RXFP3: variants seen among roughly 807,000 people sequenced by gnomAD.
RXFP3 encodes the protein relaxin family peptide receptor 3.
A neutral mutation model predicts 27.3 loss-of-function variants in RXFP3; 31 were observed. The ratio of observed to expected loss-of-function variants is 1.13; its 90% confidence interval spans 0.85 to 1.53. RXFP3 has a LOEUF of 1.53. Ranked by LOEUF, RXFP3 falls within the 40% of genes most tolerant of loss-of-function variation. The probability of loss-of-function intolerance (pLI) is 0.00; values close to 1 mark genes in which losing one functional copy is unlikely to be tolerated. For synonymous variants in RXFP3, 351 were observed against 293.6 expected, an observed-to-expected ratio of 1.20 and a Z score of -2.00; for missense variants, 684 against 642.1, an observed-to-expected ratio of 1.07 and a Z score of -0.70.
At position 33,938,410 on chromosome 5, in the gene RXFP3, C is replaced by G. The variant is rs1178275341; in HGVS notation, c.*260C>G. 1.3e-5 allele frequency among the ~76,000 whole-genome samples: 2 copies of G among 152,204 alleles called. No homozygotes were observed. Among genetic ancestry groups the G allele is most frequent in the Non-Finnish European group, 2.9e-5 (2 of 68,030 alleles). On this transcript the variant is annotated 3_prime_UTR_variant, in exon 1 of 1. Transcript: ENST00000330120. ...CGGGCCAGACAGCCAACCTCCGCTC[C>G]GCACCCCACAGCCTCTCCTTACTCT...
chr5:33,936,470 G>A lies in RXFP3; in HGVS notation c.-271G>A, dbSNP rs116094831. 1.6e-3 allele frequency: 656 copies of A among 399,954 alleles called. 7 individuals carry two copies. The highest frequency in any genetic ancestry group is 0.012 in the African/African-American group (607 of 49,112). The allele number at this position is 399,954 out of a possible 1,614,324, so 24.8% of individuals were successfully genotyped here. A position where few individuals can be genotyped will look rare whatever the true frequency, so the allele number is the denominator to read the frequency against. ...GTACATAAGGACCTAGGGACTCCGA[G>A]CTTGGCCTGAGAACCCTTGGACGCC... On this transcript the variant is annotated 5_prime_UTR_variant, in exon 1 of 1. Coordinates refer to ENST00000330120, the MANE Select transcript of RXFP3 (RefSeq NM_016568.3).
Position 33,937,860 on chromosome 5 carries a change from A to G in RXFP3, c.1120A>G (p.Ser374Gly), listed in dbSNP as rs200481157. 32 of 1,614,064 alleles carry G rather than the reference A, an allele frequency of 2.0e-5. 1 individual carries two copies. In the Admixed American group the frequency reaches 3.2e-4, roughly 16 times the overall value. The change falls in exon 1 of 1, where the codon AGC becomes GGC. Residue 374 changes from serine (S) to glycine (G), a missense_variant. Transcript: ENST00000330120. The stretch of plus-strand genomic sequence containing the variant: ...GTGCCAGGTATACGCGTTCCCTGTG[A>G]GCGTGTGCCTAGCGCACTCCAACAG... ...FLCQVYAFPVSVCLAHSNSCL... is the reference protein window; with the variant it reads ...FLCQVYAFPVGVCLAHSNSCL...
chr5:33,937,546 C>A lies in RXFP3; in HGVS notation c.806C>A (p.Ser269Ter). The A allele has an allele frequency of 6.4e-7, 1 of 1,574,410 alleles. No homozygotes were observed. The highest frequency in any genetic ancestry group is 2.4e-5 in the East Asian group (1 of 42,288). ...DRQFWLGLYH[S>*]QKVLLGFVLP... ...CAGTTCTGGCTGGGCCTCTACCACT[C>A]GCAGAAGGTGCTGCTGGGCTTCGTG... Residue 269 changes from serine (S) to a stop codon, truncating the protein, a stop_gained, in exon 1 of 1, where the codon TCG becomes TAG. Coordinates refer to ENST00000330120, the MANE Select transcript of RXFP3 (RefSeq NM_016568.3). LOFTEE classifies it high-confidence loss of function.
chr5:33,938,233 TGG>T lies in RXFP3; in HGVS notation c.*90_*91del. 4 of 1,284,574 alleles carry T rather than the reference TGG, an allele frequency of 3.1e-6. No individual in the cohort carries two copies. The highest frequency in any genetic ancestry group is 4.2e-6 in the Non-Finnish European group (4 of 941,184). 79.6% of individuals were successfully genotyped at this position (1,284,574 alleles called of 1,614,324 possible). A position where few individuals can be genotyped will look rare whatever the true frequency, so the allele number is the denominator to read the frequency against. On this transcript the variant is annotated 3_prime_UTR_variant, in exon 1 of 1. Transcript: ENST00000330120. Reference sequence around the variant, plus strand: ...AAGAGGTGAAAGGATGAAGGAGGGCTGGGGGGGGCCCCATTTAAGAAGTAGGT... The same window carrying T: ...AAGAGGTGAAAGGATGAAGGAGGGCTGGGGGGCCCCATTTAAGAAGTAGGT...
Position 33,937,426 on chromosome 5 carries a change from C to G in RXFP3, c.686C>G (p.Ser229Trp). ...ATCTGGGCTTTGGCCGCGCTGGCCT[C>G]GCTGCCCAGTGCCATTTTCTCCACC... ...VWIWALAALA[S>W]LPSAIFSTTV... The change falls in exon 1 of 1, where the codon TCG becomes TGG. Residue 229 changes from serine to tryptophan, a missense_variant. Transcript: ENST00000330120. 6.2e-7 allele frequency: 1 copy of G among 1,611,720 alleles called. No individual in the cohort carries two copies. The highest frequency in any genetic ancestry group is 8.5e-7 in the Non-Finnish European group (1 of 1,179,220).
rs763280924 is a variant in RXFP3, at chr5:33,937,329, G to C, written c.589G>C (p.Gly197Arg). ...ALKSHRTRGH[G>R]RGDCCGRSLG... ...GAAGAGCCACCGGACCCGAGGACACGGCCGGGGCGACTGCTGCGGCCGGAG... is the reference window on the plus strand; with the variant it reads ...GAAGAGCCACCGGACCCGAGGACACCGCCGGGGCGACTGCTGCGGCCGGAG... The change falls in exon 1 of 1, where the codon GGC becomes CGC. Residue 197 changes from glycine to arginine, a missense_variant. Transcript: ENST00000330120. 1.9e-6 allele frequency: 3 copies of C among 1,612,504 alleles called. No individual in the cohort carries two copies. Among genetic ancestry groups the C allele is most frequent in the Non-Finnish European group, 1.7e-6 (2 of 1,179,902 alleles).
Position 33,936,498 on chromosome 5 carries a change from G to A in RXFP3, c.-243G>A, listed in dbSNP as rs537415635. Reference sequence around the variant, plus strand: ...TGGCCTGAGAACCCTTGGACGCCGAGTGCTTGCCTTACGGGCTGCACTCCT... The same window carrying A: ...TGGCCTGAGAACCCTTGGACGCCGAATGCTTGCCTTACGGGCTGCACTCCT... On this transcript the variant is annotated 5_prime_UTR_variant, in exon 1 of 1. The change creates a new upstream start codon in the 5' untranslated region. Transcript: ENST00000330120. 2.4e-6 allele frequency: 1 copy of A among 414,592 alleles called. No individual in the cohort carries two copies. Among genetic ancestry groups the A allele is most frequent in the Admixed American group, 3.9e-5 (1 of 25,742 alleles). The allele number at this position is 414,592 out of a possible 1,614,324, so 25.7% of individuals were successfully genotyped here. A position where few individuals can be genotyped will look rare whatever the true frequency, so the allele number is the denominator to read the frequency against.
rs1014856161 is a variant in RXFP3 at position 33,936,842 on chromosome 5, G to C, written c.102G>C (p.Ala34=). The C allele has an allele frequency of 1.4e-5, 23 of 1,592,964 alleles. No homozygotes were observed. Among genetic ancestry groups the C allele is most frequent in the African/African-American group, 2.7e-5 (2 of 74,638 alleles). Residue 34 remains alanine (A), a synonymous_variant, in exon 1 of 1, where the codon GCG becomes GCC. Coordinates refer to ENST00000330120, the MANE Select transcript of RXFP3 (RefSeq NM_016568.3). The part of the protein sequence containing the change: ...LFSLVPDLLE[A]ANTSGNASLQ... The stretch of plus-strand genomic sequence containing the variant: ...GTCTGGTCCCGGACCTTCTGGAGGC[G>C]GCCAACACGAGTGGTAACGCGTCGC...
At position 33,936,805 on chromosome 5, in the gene RXFP3, C is replaced by A. The variant is rs895958014; in HGVS notation, c.65C>A (p.Ala22Glu). 1.3e-6 allele frequency: 2 copies of A among 1,552,092 alleles called. No individual in the cohort carries two copies. The highest frequency in any genetic ancestry group is 1.7e-6 in the Non-Finnish European group (2 of 1,145,398). ...AAGGCAGCAGGCGGGGACAAGCTAG[C>A]AGAACTCTTCAGTCTGGTCCCGGAC... is the stretch of plus-strand genomic sequence containing the variant. ...MNKAAGGDKLAELFSLVPDLL... is the reference protein window; with the variant it reads ...MNKAAGGDKLEELFSLVPDLL... Residue 22 changes from alanine to glutamate, a missense_variant, in exon 1 of 1, where the codon GCA (alanine) becomes GAA (glutamate). Ala to Glu is a moderately radical substitution (Grantham distance 107). Coordinates refer to ENST00000330120, the MANE Select transcript of RXFP3 (RefSeq NM_016568.3).
rs1035788535 is a variant in RXFP3, at chr5:33,937,467, G to C, written c.727G>C (p.Gly243Arg). 1 of 1,608,034 alleles carries C rather than the reference G, an allele frequency of 6.2e-7. No homozygotes were observed. Among genetic ancestry groups the C allele is most frequent in the Admixed American group, 1.7e-5 (1 of 59,134 alleles). Residue 243 changes from glycine (G) to arginine (R), a missense_variant, in exon 1 of 1, where the codon GGC becomes CGC. Transcript: ENST00000330120. ...TTTCTCCACCACGGTCAAGGTGATGGGCGAGGAGCTGTGCCTGGTGCGTTT... is the reference window on the plus strand; with the variant it reads ...TTTCTCCACCACGGTCAAGGTGATGCGCGAGGAGCTGTGCCTGGTGCGTTT... ...AIFSTTVKVM[G>R]EELCLVRFPD... is the part of the protein sequence containing the mutation.
chr5:33,937,120 C>G lies in RXFP3; in HGVS notation c.380C>G (p.Thr127Arg). The G allele has an allele frequency of 6.2e-7, 1 of 1,612,944 alleles. No homozygotes were observed. Among genetic ancestry groups the G allele is most frequent in the African/African-American group, 1.3e-5 (1 of 75,064 alleles). The change falls in exon 1 of 1, where the codon ACG (threonine) becomes AGG (arginine). Residue 127 changes from threonine (T) to arginine (R), a missense_variant. Transcript: ENST00000330120. ...CTCTTCGTCACCAACCTGGCGCTGA[C>G]GGACTTTCAGTTTGTGCTCACCCTG... ...INLFVTNLALTDFQFVLTLPF... is the reference protein window; with the variant it reads ...INLFVTNLALRDFQFVLTLPF...
In RXFP3 at chr5:33,936,995, CGTGGTGTACTGG is replaced by C. The variant is rs769927386; in HGVS notation, c.263_274del (p.Tyr88_Val91del). 6.7e-5 allele frequency: 108 copies of C among 1,613,688 alleles called. No individual in the cohort carries two copies. In the South Asian group the frequency reaches 1.1e-3, roughly 17 times the overall value. Reference sequence around the variant, plus strand: ...AGGCCCGGGTGCGGATTCTCATCAGCGTGGTGTACTGGGTGGTGTGCGCCCTGGGGTTGGCGG... The same window carrying C: ...AGGCCCGGGTGCGGATTCTCATCAGCGTGGTGTGCGCCCTGGGGTTGGCGG... On this transcript the variant is annotated inframe_deletion, in exon 1 of 1. Transcript: ENST00000330120.
rs1452465163 is a variant in RXFP3, at chr5:33,937,905, T to C, written c.1165T>C (p.Tyr389His). 1.9e-6 allele frequency: 3 copies of C among 1,613,864 alleles called. No homozygotes were observed. Among genetic ancestry groups the C allele is most frequent in the South Asian group, 1.1e-5 (1 of 91,084 alleles). Residue 389 changes from tyrosine (Y) to histidine (H), a missense_variant, in exon 1 of 1, where the codon TAC becomes CAC. Transcript: ENST00000330120. ...CAACAGCTGCCTCAACCCCGTCCTC[T>C]ACTGCCTCGTGCGCCGCGAGTTCCG... ...HSNSCLNPVL[Y>H]CLVRREFRKA...
Position 33,938,108 on chromosome 5 carries a change from C to G in RXFP3, c.1368C>G (p.Ser456Arg). Reference sequence around the variant, plus strand: ...ACCCACCTGGCGTCGTGGTCTACAGCGGGGGGCGCTACGACCTGCTGCCCA... The same window carrying G: ...ACCCACCTGGCGTCGTGGTCTACAGGGGGGGGCGCTACGACCTGCTGCCCA... ...LYYPPGVVVY[S>R]GGRYDLLPSS... is the part of the protein sequence containing the mutation. The change falls in exon 1 of 1, where the codon AGC (serine) becomes AGG (arginine). Residue 456 changes from serine (S) to arginine (R), a missense_variant. Coordinates refer to ENST00000330120, the MANE Select transcript of RXFP3 (RefSeq NM_016568.3). 1.2e-6 allele frequency: 2 copies of G among 1,608,112 alleles called. No individual in the cohort carries two copies. Among genetic ancestry groups the G allele is most frequent in the Non-Finnish European group, 1.7e-6 (2 of 1,177,606 alleles).
chr5:33,936,739 G>A lies in RXFP3; in HGVS notation c.-2G>A. ...CAGAACATGACCTAGAGGTACCTGC[G>A]CATGCAGATGGCCGATGCAGCCACG... On this transcript the variant is annotated 5_prime_UTR_variant, in exon 1 of 1. Coordinates refer to ENST00000330120, the MANE Select transcript of RXFP3 (RefSeq NM_016568.3). The A allele has an allele frequency of 4.0e-6, 6 of 1,517,246 alleles. No individual in the cohort carries two copies. Among genetic ancestry groups the A allele is most frequent in the Non-Finnish European group, 5.3e-6 (6 of 1,131,096 alleles). The allele number at this position is 1,517,246 out of a possible 1,614,324, so 94.0% of individuals were successfully genotyped here.
At position 33,937,337 on chromosome 5, in the gene RXFP3, C is replaced by T. The variant is rs1462788994; in HGVS notation, c.597C>T (p.Gly199=). Residue 199 remains glycine (G), a synonymous_variant, in exon 1 of 1, where the codon GGC becomes GGT. Coordinates refer to ENST00000330120, the MANE Select transcript of RXFP3 (RefSeq NM_016568.3). ...KSHRTRGHGR[G]DCCGRSLGDS... ...ACCGGACCCGAGGACACGGCCGGGG[C>T]GACTGCTGCGGCCGGAGCCTGGGGG... 1.9e-6 allele frequency: 3 copies of T among 1,612,336 alleles called. No individual in the cohort carries two copies. In the African/African-American group the frequency reaches 4.0e-5, roughly 22 times the overall value.
rs1751698709 is a variant in RXFP3 at position 33,937,672 on chromosome 5, G to A, written c.932G>A (p.Gly311Glu). 1.2e-6 allele frequency: 2 copies of A among 1,609,666 alleles called. No homozygotes were observed. The highest frequency in any genetic ancestry group is 1.7e-6 in the Non-Finnish European group (2 of 1,178,348). ...GTKGGAAVAG[G>E]RPTGASARRL... The stretch of plus-strand genomic sequence containing the variant: ...AAAGGAGGGGCCGCGGTAGCCGGAG[G>A]ACGCCCGACCGGAGCCAGCGCCCGG... Residue 311 changes from glycine to glutamate, a missense_variant, in exon 1 of 1, where the codon GGA becomes GAA. By Grantham distance (98) the Gly-to-Glu change is moderately conservative. Transcript: ENST00000330120.
Position 33,937,297 on chromosome 5 carries a change from C to T in RXFP3, c.557C>T (p.Ser186Leu), listed in dbSNP as rs145194382. The change falls in exon 1 of 1, where the codon TCG becomes TTG. Residue 186 changes from serine to leucine, a missense_variant. Ser to Leu is a moderately radical substitution (Grantham distance 145). Transcript: ENST00000330120. ...MSVTRYHSVA[S>L]ALKSHRTRGH... is the part of the protein sequence containing the mutation. ...GTGACGCGCTACCATTCGGTGGCCT[C>T]GGCTCTGAAGAGCCACCGGACCCGA... is the stretch of plus-strand genomic sequence containing the variant. 9.2e-5 allele frequency: 149 copies of T among 1,613,084 alleles called. No individual in the cohort carries two copies. Among genetic ancestry groups the T allele is most frequent in the Admixed American group, 1.7e-4 (10 of 60,008 alleles).
Position 33,936,910 on chromosome 5 carries a change from C to A in RXFP3, c.170C>A (p.Pro57Gln). 6.2e-7 allele frequency: 1 copy of A among 1,601,824 alleles called. No individual in the cohort carries two copies. The highest frequency in any genetic ancestry group is 8.5e-7 in the Non-Finnish European group (1 of 1,171,210). The change falls in exon 1 of 1, where the codon CCG becomes CAG. Residue 57 changes from proline to glutamine, a missense_variant. Coordinates refer to ENST00000330120, the MANE Select transcript of RXFP3 (RefSeq NM_016568.3). ...DLWWELGLEL[P>Q]DGAPPGHPPG... is the part of the protein sequence containing the mutation. ...TGGTGGGAGCTGGGGCTGGAGTTGC[C>A]GGACGGCGCGCCGCCAGGACATCCC...
Sources: allele counts gnomAD v4.1 joint callset (sites outside exome capture counted in the v4.1 genomes callset), GRCh38; gene constraint gnomAD v4.1.1; transcripts MANE v1.5; gene names NCBI Gene and HGNC (gene_info 2026-07-23, HGNC 2026-07-21).